ATP1B4: variants seen among roughly 807,000 people sequenced by gnomAD.
The protein encoded by ATP1B4 is protein ATP1B4.
ATP1B4 carries 32 observed loss-of-function variants against 29.6 expected under a neutral mutation model. The observed-to-expected ratio is 1.08, with a 90% CI of 0.82 to 1.45. The LOEUF is 1.45. ATP1B4 is among the 40% of genes most tolerant of loss of function. ATP1B4 has a pLI of 0.00. For synonymous variants in ATP1B4, 127 were observed against 102.1 expected (o/e 1.24, Z -1.47); for missense variants, 323 against 276.2 (o/e 1.17, Z -1.20).
intron 6 of ATP1B4, among the ~76,000 whole-genome samples, chrX:120,377,670 T>C (rs1422727284): frequency 8.9e-6 from 1 of 112,143 alleles, no homozygotes; most frequent in Non-Finnish European, 1.9e-5. Context: ...CTTTCTAAAA[T>C]TGTTTTAATG....
chrX:120,375,487 C>G lies in ATP1B4; in HGVS notation c.678C>G (p.Phe226Leu), dbSNP rs749942334. 4.1e-6 allele frequency: 5 copies of G among 1,209,093 alleles called. No homozygotes were observed. The highest frequency in any genetic ancestry group is 2.2e-5 in the Admixed American group (1 of 45,623). Residue 226 changes from phenylalanine to leucine, a missense_variant, in exon 5 of 8, where the codon TTC (phenylalanine) becomes TTG (leucine). Phe to Leu is a conservative substitution (Grantham distance 22, BLOSUM62 0). Transcript: ENST00000218008. The part of the protein sequence containing the change: ...DKKACQFKRS[F>L]LKNCSGLEDP... ...AGGCCTGCCAATTTAAGCGCTCCTT[C>G]CTAAAGAACTGCTCTGGTCTGGAGG...
chrX:120,365,334 C>T (rs750910469), intron 1 of ATP1B4, among the ~76,000 whole-genome samples: 1 of 112,531 alleles, frequency 8.9e-6, no homozygotes, highest in Non-Finnish European at 1.9e-5. Flanking sequence ...GCTGTGCAGA[C>T]TGAATGCTGA....
chrX:120,376,522 A>T (rs764519864), intron 6 of ATP1B4, 86 bp downstream of exon 6: 206 of 822,314 alleles, frequency 2.5e-4, no homozygotes, highest in Admixed American at 1.7e-3. Flanking sequence ...TTACACATGG[A>T]TGGTAGGCTA....
At chrX:120,363,030 T>C (rs1375454062) in intron 1 of ATP1B4, among the ~76,000 whole-genome samples, 1 of 112,582 alleles carries the variant, frequency 8.9e-6, no homozygotes, top group East Asian at 2.8e-4. Context: ...TCCAAAAGTT[T>C]ATTTGCATTT....
At chrX:120,362,859 T>C (rs2058269234) in intron 1 of ATP1B4, among the ~76,000 whole-genome samples, 1 of 112,052 alleles carries the variant, frequency 8.9e-6, no homozygotes, top group Non-Finnish European at 1.9e-5. Flanking sequence ...ACTGCTAATC[T>C]TGTACTCTTT....
chrX:120,362,332 T>C, intron 1 of ATP1B4, 101 bp downstream of exon 1: 1 of 806,450 alleles, frequency 1.2e-6, no homozygotes, highest in Admixed American at 2.3e-5. Flanking sequence ...TGCCTCTCTT[T>C]GAGACGGGCA....
intron 6 of ATP1B4, 27 bp downstream of exon 6, chrX:120,376,463 G>C (rs781630433): frequency 2.2e-5 from 26 of 1,163,148 alleles, no homozygotes; most frequent in African/African-American, 5.3e-5. Flanking sequence ...AGTAAGCATT[G>C]TTAGCACATC....
chrX:120,368,109 C>T (rs1400543526), intron 2 of ATP1B4, among the ~76,000 whole-genome samples: 1 of 111,663 alleles, frequency 9.0e-6, no homozygotes, highest in Admixed American at 9.5e-5. Flanking sequence ...TGAGCTGATC[C>T]AAATTGCTTC....
At chrX:120,377,656 T>A (rs1232511374) in intron 6 of ATP1B4, among the ~76,000 whole-genome samples, 1 of 112,335 alleles carries the variant, frequency 8.9e-6, no homozygotes, top group Non-Finnish European at 1.9e-5. Context: ...TGCTAAGAAC[T>A]GTCCTTTCTA....
rs1429699806 is a variant in ATP1B4 at position 120,383,034 on chromosome X, C to T, written c.*3400C>T. On this transcript the variant is annotated 3_prime_UTR_variant, in exon 8 of 8. Coordinates refer to ENST00000218008, the MANE Select transcript of ATP1B4 (RefSeq NM_001142447.3). ...AATGCACTTGGTTTTACTTGCTTGT[C>T]AATGAGAAATACTACTTCCAAATGT... 1.8e-5 allele frequency: 2 copies of T among 111,960 alleles called. No homozygotes were observed. Among genetic ancestry groups the T allele is most frequent in the East Asian group, 5.6e-4 (2 of 3,588 alleles). 9.2% of individuals were successfully genotyped at this position (111,960 alleles called of 1,213,427 possible).
At chrX:120,366,457 T>G (rs2058285931) in intron 1 of ATP1B4, 68 bp from the exon 2 acceptor site, 1 of 1,119,528 alleles carries the variant, frequency 8.9e-7, no homozygotes. Context: ...CGATTTATTT[T>G]TGGCTGGTGG....
chrX:120,379,685 T>C lies in ATP1B4; in HGVS notation c.*51T>C. On this transcript the variant is annotated 3_prime_UTR_variant, in exon 8 of 8. Coordinates refer to ENST00000218008, the MANE Select transcript of ATP1B4 (RefSeq NM_001142447.3). ...GTTCTGTTTCTGTTTTATCTCATGG[T>C]ATCTCTGGTAGCACCTGAATTCTTT... 8.9e-7 allele frequency: 1 copy of C among 1,117,433 alleles called. No individual in the cohort carries two copies. The highest frequency in any genetic ancestry group is 3.1e-5 in the East Asian group (1 of 32,300). The allele number at this position is 1,117,433 out of a possible 1,213,427, so 92.1% of individuals were successfully genotyped here. A position where few individuals can be genotyped will look rare whatever the true frequency, so the allele number is the denominator to read the frequency against.
At chrX:120,376,337 T>A (rs111367955) in intron 5 of ATP1B4, 43 bp from the exon 6 acceptor site, 2 of 1,177,897 alleles carry the variant, frequency 1.7e-6, no homozygotes, top group East Asian at 5.9e-5. Flanking sequence ...CTGTCAAATA[T>A]GTTTTGTTAA....
intron 4 of ATP1B4, among the ~76,000 whole-genome samples, 191 bp from the exon 5 acceptor site, chrX:120,375,181 C>A (rs976373231): frequency 7.5e-5 from 8 of 107,284 alleles, no homozygotes; most frequent in Admixed American, 6.1e-4. Context: ...GTCAGGAAGA[C>A]TTCCTAGAGG....
At position 120,364,076 on chromosome X, in the gene ATP1B4, G is replaced by T. The variant is rs779791472; in HGVS notation, c.63+1845G>T. Among the ~76,000 whole-genome samples, 19 of 110,239 alleles carry T rather than the reference G, an allele frequency of 1.7e-4. No homozygotes were observed. The East Asian group carries it at 2.6e-3, about 15-fold the overall frequency. ...TGTAGGGGCAAATTAGCCGTGAGAA[G>T]ATTAATTCTTCTCAGGAGGGTAAAG... On this transcript the variant is annotated intron_variant, in intron 1 of 7. Transcript: ENST00000218008.
rs2058373431 is a variant in ATP1B4 at position 120,379,693 on chromosome X, G to A, written c.*59G>A. The A allele has an allele frequency of 4.6e-6, 5 of 1,092,570 alleles. No individual in the cohort carries two copies. The African/African-American group carries it at 7.4e-5, about 16-fold the overall frequency. 90.0% of individuals were successfully genotyped at this position (1,092,570 alleles called of 1,213,427 possible). ...TCTGTTTTATCTCATGGTATCTCTG[G>A]TAGCACCTGAATTCTTTTTCTTCAA... On this transcript the variant is annotated 3_prime_UTR_variant, in exon 8 of 8. Coordinates refer to ENST00000218008, the MANE Select transcript of ATP1B4 (RefSeq NM_001142447.3).
chrX:120,379,300 C>A (rs2147258363), intron 7 of ATP1B4, among the ~76,000 whole-genome samples, 173 bp from the exon 8 acceptor site: 1 of 111,718 alleles, frequency 9.0e-6, no homozygotes, highest in African/African-American at 3.3e-5. Flanking sequence ...GTATGATTTT[C>A]CCACACTTTC....
In ATP1B4 at chrX:120,380,386, T is replaced by A. The variant is rs1263561016; in HGVS notation, c.*752T>A. 1 of 112,214 alleles carries A rather than the reference T, an allele frequency of 8.9e-6. No homozygotes were observed. The highest frequency in any genetic ancestry group is 1.9e-5 in the Non-Finnish European group (1 of 53,247). The allele number at this position is 112,214 out of a possible 1,213,427, so 9.2% of individuals were successfully genotyped here. A position where few individuals can be genotyped will look rare whatever the true frequency, so the allele number is the denominator to read the frequency against. ...TGCTTATTCAAAGACTAGGTTATTT[T>A]CAACTGGGAAAAAAGCAGTGCTAAC... On this transcript the variant is annotated 3_prime_UTR_variant, in exon 8 of 8. Transcript: ENST00000218008.
At chrX:120,366,451 T>C in intron 1 of ATP1B4, 74 bp from the exon 2 acceptor site, 1 of 1,103,108 alleles carries the variant, frequency 9.1e-7, no homozygotes, top group South Asian at 2.2e-5. Flanking sequence ...TCATTTCGAT[T>C]TATTTTTGGC....
Sources: gnomAD v4.1 joint callset for allele counts (sites outside exome capture counted in the v4.1 genomes callset) on GRCh38, gnomAD v4.1.1 for gene constraint, MANE v1.5 for transcripts, NCBI Gene and HGNC (gene_info 2026-07-23, HGNC 2026-07-21) for gene names.